Variants in GUCY1A2 observed in about 807,000 individuals in gnomAD.
GUCY1A2 encodes the protein guanylate cyclase soluble subunit alpha-2.
Under a neutral mutation model 63.5 loss-of-function variants are expected in GUCY1A2, and 27 were observed. That is an observed-to-expected ratio of 0.43 (90% confidence interval 0.31 to 0.59). The LOEUF (loss-of-function observed/expected upper bound fraction) is 0.59. Ranked by LOEUF, GUCY1A2 falls within the 20% of genes least tolerant of loss-of-function variation. The pLI is 0.11. For missense variants in GUCY1A2, 768 were observed against 913.3 expected, an observed-to-expected ratio of 0.84 and a Z score of 2.05; for synonymous variants, 364 against 343.5, an observed-to-expected ratio of 1.06 and a Z score of -0.66.
intron 4 of GUCY1A2, among the ~76,000 whole-genome samples, chr11:106,905,257 T>C (rs527435893): frequency 9.9e-5 from 15 of 152,216 alleles, no homozygotes; most frequent in African/African-American, 3.6e-4. Flanking sequence ...TCCCAGAGCA[T>C]TAATTAATAT....
chr11:106,900,085 CAAAA>C (rs35314878), intron 4 of GUCY1A2, among the ~76,000 whole-genome samples: 3 of 79,750 alleles, frequency 3.8e-5, no homozygotes, highest in African/African-American at 5.1e-5. Context: ...GACTCCGTCT[CAAAA>C]AAAAAAAAAA....
chr11:106,730,187 C>T (rs12146527), intron 6 of GUCY1A2, among the ~76,000 whole-genome samples: 87,903 of 148,966 alleles, frequency 0.59, 26,278 homozygotes, highest in East Asian at 0.86. Flanking sequence ...TTGCATGTCA[C>T]GGGTGTTTGT....
At chr11:106,960,917 G>C (rs1477717243) in intron 3 of GUCY1A2, among the ~76,000 whole-genome samples, 1 of 151,984 alleles carries the variant, frequency 6.6e-6, no homozygotes, top group East Asian at 1.9e-4. Context: ...TCATGGAAAG[G>C]AGTGCCAGAG....
chr11:106,733,088 G>A (rs1038179134), intron 6 of GUCY1A2, among the ~76,000 whole-genome samples: 27 of 152,214 alleles, frequency 1.8e-4, no homozygotes, highest in Non-Finnish European at 2.2e-4. Flanking sequence ...GTTTTCCAGC[G>A]AGTAACATAA....
intron 4 of GUCY1A2, among the ~76,000 whole-genome samples, chr11:106,863,652 GT>G (rs200806104): frequency 0.23 from 34,716 of 151,888 alleles, 4,098 homozygotes; most frequent in Non-Finnish European, 0.26. Context: ...ATTTAGAGTA[GT>G]TTTTTCTAAT....
chr11:106,674,176 C>G lies in GUCY1A2; in HGVS notation c.*13373G>C, dbSNP rs1295109584. The G allele has an allele frequency of 5.4e-6, 1 of 184,096 alleles. No homozygotes were observed. Among genetic ancestry groups the G allele is most frequent in the East Asian group, 8.8e-5 (1 of 11,344 alleles). The allele number at this position is 184,096 out of a possible 1,614,324, so 11.4% of individuals were successfully genotyped here. Reference sequence around the variant, plus strand: ...TCCACTTTGTTTTATAAGAATCCCACGTTTCCATCACTTATTTTTCATATA... The same window carrying G: ...TCCACTTTGTTTTATAAGAATCCCAGGTTTCCATCACTTATTTTTCATATA... On this transcript the variant is annotated 3_prime_UTR_variant, in exon 8 of 8. Coordinates refer to ENST00000526355, the MANE Select transcript of GUCY1A2 (RefSeq NM_000855.3).
rs996048439 is a variant in GUCY1A2 at position 106,939,942 on chromosome 11, G to T, written c.724C>A (p.Pro242Thr). The T allele has an allele frequency of 1.2e-6, 2 of 1,613,676 alleles. No individual in the cohort carries two copies. Among genetic ancestry groups the T allele is most frequent in the Non-Finnish European group, 1.7e-6 (2 of 1,179,764 alleles). The change falls in exon 4 of 8, where the codon CCT (proline) becomes ACT (threonine). Residue 242 changes from proline to threonine, a missense_variant. Transcript: ENST00000526355. ...ATTGCAAACCCCACAATATGGTGAG[G>T]GTGGAAGTAGTGGAGCATGAGAGTA... ...EGTLMLHYFH[P>T]HHIVGFAMLG... is the part of the protein sequence containing the mutation.
intron 4 of GUCY1A2, among the ~76,000 whole-genome samples, chr11:106,880,288 G>A (rs779138705): frequency 2.6e-5 from 4 of 152,006 alleles, no homozygotes; most frequent in Non-Finnish European, 5.9e-5. Context: ...TGGAATGCAA[G>A]CCCATACAGG....
At chr11:106,946,522 C>A (rs1018348738) in intron 3 of GUCY1A2, among the ~76,000 whole-genome samples, 19 of 151,908 alleles carry the variant, frequency 1.3e-4, no homozygotes, top group Non-Finnish European at 8.8e-5. Flanking sequence ...AATGAGTCAA[C>A]AGGCAAAGAA....
chr11:106,974,842 T>C (rs561366153), intron 3 of GUCY1A2, among the ~76,000 whole-genome samples: 3 of 152,272 alleles, frequency 2.0e-5, no homozygotes, highest in African/African-American at 7.2e-5. Context: ...TGAGAGGAAA[T>C]GCACTTAGCA....
Position 106,992,706 on chromosome 11 carries a change from G to A in GUCY1A2, c.304-6575C>T, listed in dbSNP as rs539884379. 3.9e-5 allele frequency among the ~76,000 whole-genome samples: 6 copies of A among 152,160 alleles called. No homozygotes were observed. The East Asian group carries it at 5.8e-4, about 15-fold the overall frequency. On this transcript the variant is annotated intron_variant, in intron 1 of 7. Coordinates refer to ENST00000526355, the MANE Select transcript of GUCY1A2 (RefSeq NM_000855.3). ...ATGTTACATAAAATTACAAAATCAC[G>A]TGTATTCAAACAATTGATTTTTTTC...
At chr11:106,756,309 A>C (rs1186208854) in intron 6 of GUCY1A2, among the ~76,000 whole-genome samples, 1 of 152,122 alleles carries the variant, frequency 6.6e-6, no homozygotes, top group Non-Finnish European at 1.5e-5. Flanking sequence ...CCAATTTGCT[A>C]GTCTGTGTCT....
chr11:106,745,508 C>G (rs1291820635), intron 6 of GUCY1A2, among the ~76,000 whole-genome samples: 1 of 152,164 alleles, frequency 6.6e-6, no homozygotes, highest in Non-Finnish European at 1.5e-5. Context: ...TTGCCACATA[C>G]CACCATTTAG....
chr11:106,966,397 C>T (rs960833811), intron 3 of GUCY1A2, among the ~76,000 whole-genome samples: 7 of 152,140 alleles, frequency 4.6e-5, no homozygotes, highest in South Asian at 2.1e-4. Flanking sequence ...AATGAGCCAC[C>T]GCGCCCGGCC....
At chr11:106,748,545 G>A (rs1863830035) in intron 6 of GUCY1A2, among the ~76,000 whole-genome samples, 1 of 152,158 alleles carries the variant, frequency 6.6e-6, no homozygotes, top group South Asian at 2.1e-4. Flanking sequence ...GGAGCTAGAT[G>A]TTCTTTATCC....
At chr11:106,873,738 A>G (rs1470933932) in intron 4 of GUCY1A2, among the ~76,000 whole-genome samples, 1 of 152,072 alleles carries the variant, frequency 6.6e-6, no homozygotes, top group Non-Finnish European at 1.5e-5. Flanking sequence ...CTCTGATGAT[A>G]GTTTCTTTTG....
rs1317134244 is a variant in GUCY1A2, at chr11:106,901,058, A to AC, written c.1206+38401dup. Among the ~76,000 whole-genome samples, 3 of 152,208 alleles carry AC rather than the reference A, an allele frequency of 2.0e-5. No homozygotes were observed. In the East Asian group the frequency reaches 5.8e-4, roughly 29 times the overall value. ...AATGATATTTGATAGCATTTTACCC[A>AC]CAGAGGAACTTCTTTCACAATTGGA... On this transcript the variant is annotated intron_variant, in intron 4 of 7. Coordinates refer to ENST00000526355, the MANE Select transcript of GUCY1A2 (RefSeq NM_000855.3).
At chr11:106,931,308 A>T (rs984424479) in intron 4 of GUCY1A2, among the ~76,000 whole-genome samples, 1 of 152,206 alleles carries the variant, frequency 6.6e-6, no homozygotes, top group Non-Finnish European at 1.5e-5. Context: ...AAAACCTAAG[A>T]CACCACTTTG....
intron 4 of GUCY1A2, among the ~76,000 whole-genome samples, chr11:106,857,321 T>A (rs1859450483): frequency 6.6e-6 from 1 of 152,136 alleles, no homozygotes; most frequent in Non-Finnish European, 1.5e-5. Context: ...TCTCTTTTTC[T>A]TACACAGGCT....
Sources: gnomAD v4.1 joint callset for allele counts (sites outside exome capture counted in the v4.1 genomes callset) on GRCh38, gnomAD v4.1.1 for gene constraint, MANE v1.5 for transcripts, NCBI Gene and HGNC (gene_info 2026-07-23, HGNC 2026-07-21) for gene names.